The following TNKS variants were observed in gnomAD, a reference collection of about 807,000 sequenced individuals.
The protein encoded by TNKS is poly [ADP-ribose] polymerase tankyrase-1.
Under a neutral mutation model 135.8 loss-of-function variants are expected in TNKS, and 72 were observed. The ratio of observed to expected loss-of-function variants is 0.53; its 90% confidence interval spans 0.44 to 0.64. The LOEUF (loss-of-function observed/expected upper bound fraction) is 0.64. Among genes scored for constraint, TNKS ranks in the 30% least tolerant of loss-of-function variants. The probability of loss-of-function intolerance (pLI) is 0.00; values close to 1 mark genes in which losing one functional copy is unlikely to be tolerated. For missense variants in TNKS, 1,769 were observed against 1,674.0 expected (o/e 1.06, Z -0.99); for synonymous variants, 849 against 649.3 (o/e 1.31, Z -4.68).
chr8:9,607,544 C>G (rs986985968), intron 2 of TNKS, among the ~76,000 whole-genome samples: 2 of 152,166 alleles, frequency 1.3e-5, no homozygotes, highest in Non-Finnish European at 2.9e-5. Context: ...ACATCACAAT[C>G]CACTGGTCGT....
intron 3 of TNKS, among the ~76,000 whole-genome samples, chr8:9,646,006 T>A (rs1585271368): frequency 6.6e-6 from 1 of 152,188 alleles, no homozygotes; most frequent in East Asian, 1.9e-4. Flanking sequence ...AGTTCTTCAA[T>A]TTCTCATAGT....
At position 9,656,562 on chromosome 8, in the gene TNKS, C is replaced by T. The variant is rs375977640; in HGVS notation, c.995-23389C>T. 2.6e-5 allele frequency among the ~76,000 whole-genome samples: 4 copies of T among 151,468 alleles called. No homozygotes were observed. In the South Asian group the frequency reaches 6.3e-4, roughly 24 times the overall value. Reference sequence around the variant, plus strand: ...ATCTCTCGGCAGAAACTCTGCAAGCCAGAAGAGAGTGGGGGCCAATATTCA... The same window carrying T: ...ATCTCTCGGCAGAAACTCTGCAAGCTAGAAGAGAGTGGGGGCCAATATTCA... On this transcript the variant is annotated intron_variant, in intron 3 of 26. Coordinates refer to ENST00000310430, the MANE Select transcript of TNKS (RefSeq NM_003747.3).
At chr8:9,709,592 G>A (rs1379237127) in intron 9 of TNKS, among the ~76,000 whole-genome samples, 1 of 152,160 alleles carries the variant, frequency 6.6e-6, no homozygotes, top group Non-Finnish European at 1.5e-5. Context: ...GACTTGTGTG[G>A]CTGATGGCCT....
At chr8:9,736,578 A>T (rs1456261532) in intron 17 of TNKS, among the ~76,000 whole-genome samples, 11 of 137,398 alleles carry the variant, frequency 8.0e-5, no homozygotes, top group African/African-American at 2.7e-4. Flanking sequence ...TGATTTTTGT[A>T]TAAGGTGTAA....
intron 19 of TNKS, 29 bp from the exon 20 acceptor site, chr8:9,752,515 T>A: frequency 1.3e-6 from 2 of 1,539,216 alleles, no homozygotes; most frequent in Non-Finnish European, 1.8e-6. Context: ...GAATTCTTTC[T>A]GAGAATCTTT....
intron 1 of TNKS, among the ~76,000 whole-genome samples, chr8:9,560,493 CTTTTTTTTTTTTTTTT>C (rs535715245): frequency 9.5e-5 from 4 of 42,286 alleles, no homozygotes; most frequent in African/African-American, 3.6e-4. Flanking sequence ...CCATACTTGT[CTTTTTTTTTTTTTTTT>C]TTTTTTTTTT....
At chr8:9,687,950 G>T (rs187846521) in intron 5 of TNKS, among the ~76,000 whole-genome samples, 14 of 152,260 alleles carry the variant, frequency 9.2e-5, no homozygotes, top group Non-Finnish European at 2.1e-4. Context: ...TTAGTAGAGT[G>T]GATTACAACT....
intron 17 of TNKS, among the ~76,000 whole-genome samples, chr8:9,746,658 A>T (rs1187883004): frequency 2.0e-5 from 3 of 151,762 alleles, no homozygotes; most frequent in Non-Finnish European, 4.4e-5. Context: ...CCATTTCGTA[A>T]TCTCCCTGGA....
At chr8:9,764,815 A>G (rs755801937) in intron 23 of TNKS, 25 bp downstream of exon 23, 1 of 1,557,440 alleles carries the variant, frequency 6.4e-7, no homozygotes, top group Non-Finnish European at 8.7e-7. Context: ...TTTCATGGTG[A>G]AAACTGGATT....
intron 2 of TNKS, among the ~76,000 whole-genome samples, chr8:9,614,672 T>A (rs373676225): frequency 3.9e-5 from 6 of 152,288 alleles, no homozygotes; most frequent in African/African-American, 1.4e-4. Context: ...TAACTTACAA[T>A]TGAATTTTAC....
chr8:9,725,491 ACT>A (rs1366139027), intron 12 of TNKS, among the ~76,000 whole-genome samples: 1 of 152,220 alleles, frequency 6.6e-6, no homozygotes, highest in East Asian at 1.9e-4. Flanking sequence ...TGTAAAAGCC[ACT>A]CTCTCCTGAA....
chr8:9,606,595 G>A (rs1181395035), intron 2 of TNKS, among the ~76,000 whole-genome samples: 1 of 151,882 alleles, frequency 6.6e-6, no homozygotes, highest in African/African-American at 2.4e-5. Context: ...TTTAATTCTT[G>A]GAATTTATTT....
At chr8:9,632,540 T>A (rs990919822) in intron 3 of TNKS, among the ~76,000 whole-genome samples, 1 of 152,208 alleles carries the variant, frequency 6.6e-6, no homozygotes, top group Non-Finnish European at 1.5e-5. Flanking sequence ...CCATCAATAC[T>A]AGGTAACTCT....
At chr8:9,579,758 C>T (rs1585191327) in intron 1 of TNKS, among the ~76,000 whole-genome samples, 1 of 152,166 alleles carries the variant, frequency 6.6e-6, no homozygotes, top group South Asian at 2.1e-4. Context: ...AGCCACTGCG[C>T]CCGGCTTATC....
At chr8:9,598,257 C>A (rs913142642) in intron 2 of TNKS, among the ~76,000 whole-genome samples, 1 of 152,134 alleles carries the variant, frequency 6.6e-6, no homozygotes, top group East Asian at 1.9e-4. Context: ...CCGTGTTAGC[C>A]AGGATGGTCT....
intron 17 of TNKS, among the ~76,000 whole-genome samples, chr8:9,747,814 G>T (rs1195411070): frequency 6.6e-6 from 1 of 152,088 alleles, no homozygotes; most frequent in Non-Finnish European, 1.5e-5. Flanking sequence ...TAGTATAATT[G>T]TGTAATTGAG....
At chr8:9,734,761 A>C in intron 15 of TNKS, 104 bp from the exon 16 acceptor site, 1 of 981,224 alleles carries the variant, frequency 1.0e-6, no homozygotes, top group Non-Finnish European at 1.5e-6. Flanking sequence ...TAGAGTAGAT[A>C]TCTTCCCCAG....
intron 17 of TNKS, 27 bp from the exon 18 acceptor site, chr8:9,747,997 T>C: frequency 6.3e-7 from 1 of 1,580,830 alleles, no homozygotes; most frequent in South Asian, 1.2e-5. Flanking sequence ...CATTCTTAAC[T>C]CTTTGTATCC....
intron 12 of TNKS, 144 bp from the exon 13 acceptor site, chr8:9,726,494 TACA>T (rs1250844181): frequency 1.6e-5 from 9 of 574,506 alleles, no homozygotes; most frequent in African/African-American, 1.1e-4. Flanking sequence ...AAAGTTTTGC[TACA>T]ACATTTAGTA....
Sources: allele counts gnomAD v4.1 joint callset (sites outside exome capture counted in the v4.1 genomes callset), GRCh38; gene constraint gnomAD v4.1.1; transcripts MANE v1.5; gene names NCBI Gene and HGNC (gene_info 2026-07-23, HGNC 2026-07-21).